GPHN: variants seen among roughly 807,000 people sequenced by gnomAD.
The protein encoded by GPHN is gephyrin.
GPHN carries 17 observed loss-of-function variants against 95.5 expected under a neutral mutation model. The ratio of observed to expected loss-of-function variants is 0.18; its 90% CI spans 0.12 to 0.27. The LOEUF (loss-of-function observed/expected upper bound fraction) is 0.27. Ranked by LOEUF, GPHN falls within the 10% of genes least tolerant of loss-of-function variation. The pLI, the probability that GPHN is intolerant of heterozygous loss-of-function variation, is 1.00. For missense variants in GPHN, 660 were observed against 978.1 expected (o/e 0.67, Z 4.34); for synonymous variants, 320 against 322.5 (o/e 0.99, Z 0.08).
intron 4 of GPHN, among the ~76,000 whole-genome samples, chr14:66,865,193 C>T (rs1033226570): frequency 2.0e-5 from 3 of 151,874 alleles, no homozygotes; most frequent in African/African-American, 7.3e-5. Context: ...GATAGCACAA[C>T]AGGATGACTG....
At chr14:67,189,210 C>A in the GPHN span, among the ~76,000 whole-genome samples, 12 of 152,114 alleles carry the variant, frequency 7.9e-5, no homozygotes, top group African/African-American at 2.9e-4. Flanking sequence ...CCAAGAAATC[C>A]TCTGAAAACT....
intron 3 of GPHN, among the ~76,000 whole-genome samples, chr14:66,811,595 A>G (rs1187498286): frequency 1.3e-5 from 2 of 151,906 alleles, no homozygotes; most frequent in African/African-American, 4.8e-5. Flanking sequence ...AAATATAGAA[A>G]ATGTATTTTT....
chr14:67,037,478 A>C (rs574333009), intron 10 of GPHN, among the ~76,000 whole-genome samples: 1 of 152,160 alleles, frequency 6.6e-6, no homozygotes, highest in Non-Finnish European at 1.5e-5. Flanking sequence ...TATTTTCTGC[A>C]TCAAAGGAAA....
the GPHN span, among the ~76,000 whole-genome samples, chr14:67,519,525 C>T: frequency 1.3e-5 from 2 of 152,114 alleles, no homozygotes; most frequent in African/African-American, 2.4e-5. Flanking sequence ...AGGGAAGGGT[C>T]CATCCGGATA....
chr14:67,532,790 T>C, the GPHN span, among the ~76,000 whole-genome samples: 1 of 152,234 alleles, frequency 6.6e-6, no homozygotes, highest in Non-Finnish European at 1.5e-5. Context: ...TATGGACTTC[T>C]GTTCCAAATA....
At chr14:66,646,276 G>T (rs1248096739) in intron 1 of GPHN, among the ~76,000 whole-genome samples, 1 of 152,040 alleles carries the variant, frequency 6.6e-6, no homozygotes, top group East Asian at 1.9e-4. Flanking sequence ...ACCTAAGAAT[G>T]GCTGCTGTAA....
At chr14:66,860,519 C>A (rs1033523735) in intron 4 of GPHN, among the ~76,000 whole-genome samples, 1 of 151,862 alleles carries the variant, frequency 6.6e-6, no homozygotes, top group Admixed American at 6.6e-5. Flanking sequence ...GAAAAGGATG[C>A]TAATGAGCAA....
chr14:66,556,389 TA>T (rs2060008868), intron 1 of GPHN, among the ~76,000 whole-genome samples: 1 of 152,202 alleles, frequency 6.6e-6, no homozygotes, highest in Non-Finnish European at 1.5e-5. Context: ...TGTTGATCTT[TA>T]AGCTTTGACT....
chr14:67,695,541 T>G, the GPHN span: 7 of 1,336,366 alleles, frequency 5.2e-6, no homozygotes, highest in South Asian at 1.4e-5. Flanking sequence ...CCCAGGGGAG[T>G]TTTCCAAGAA....
At position 66,778,345 on chromosome 14, in the gene GPHN, TC is replaced by T. The variant is rs962584204; in HGVS notation, c.201+1825del. Among the ~76,000 whole-genome samples, 8 of 152,190 alleles carry T rather than the reference TC, an allele frequency of 5.3e-5. No individual in the cohort carries two copies. The South Asian group carries it at 1.0e-3, about 20-fold the overall frequency. ...GTAACAGTCTTTTAGTACATATTTTTCTGGGTTCCTTTGAAAACACGATATG... is the reference window on the plus strand; with the variant it reads ...GTAACAGTCTTTTAGTACATATTTTTTGGGTTCCTTTGAAAACACGATATG... On this transcript the variant is annotated intron_variant, in intron 3 of 22. Coordinates refer to ENST00000478722, the MANE Select transcript of GPHN (RefSeq NM_020806.5).
the GPHN span, chr14:67,578,195 T>C: frequency 2.5e-6 from 4 of 1,613,312 alleles, no homozygotes; most frequent in Admixed American, 1.7e-5. This position sits in a 1 kb window ranked among gnomAD's most constrained non-coding sequence, Gnocchi z 5.0. Flanking sequence ...TACTCCCTCA[T>C]GCAGGTAGGC....
chr14:67,544,407 C>A, the GPHN span, among the ~76,000 whole-genome samples: 2 of 151,800 alleles, frequency 1.3e-5, no homozygotes, highest in Non-Finnish European at 2.9e-5. Flanking sequence ...AGACACAAGA[C>A]CTCAATTCAG....
downstream of GPHN, among the ~76,000 whole-genome samples, chr14:67,182,289 A>T (rs1176403579): frequency 3.9e-5 from 6 of 152,208 alleles, no homozygotes; most frequent in African/African-American, 1.2e-4. Flanking sequence ...AATAGGTAAA[A>T]TATACTGTAT....
At chr14:67,021,597 C>T (rs1351845467) in intron 9 of GPHN, among the ~76,000 whole-genome samples, 2 of 151,910 alleles carry the variant, frequency 1.3e-5, no homozygotes. Context: ...TTGGTAAAGC[C>T]AACTAGTTCT....
At chr14:66,949,640 C>CTT (rs1189699142) in intron 8 of GPHN, among the ~76,000 whole-genome samples, 2 of 152,126 alleles carry the variant, frequency 1.3e-5, no homozygotes, top group African/African-American at 2.4e-5. Context: ...GAGACTCACT[C>CTT]TGATTATTGT....
the GPHN span, chr14:67,586,202 C>T: frequency 7.4e-7 from 1 of 1,345,754 alleles, no homozygotes; most frequent in Non-Finnish European, 1.1e-6. Context: ...GGGCCCTGCC[C>T]AGATAAAATT....
intron 1 of GPHN, among the ~76,000 whole-genome samples, chr14:66,566,482 G>A (rs1566615866): frequency 1.3e-5 from 2 of 152,056 alleles, no homozygotes; most frequent in Non-Finnish European, 2.9e-5. Flanking sequence ...TAACACAAAG[G>A]CAGTTGGTAA....
At chr14:67,695,563 G>C in the GPHN span, 2 of 1,491,984 alleles carry the variant, frequency 1.3e-6, no homozygotes, top group Non-Finnish European at 1.8e-6. Flanking sequence ...GCTTTGGTGG[G>C]GATTCTATGT....
intron 1 of GPHN, among the ~76,000 whole-genome samples, chr14:66,553,053 C>A (rs756232122): frequency 6.7e-6 from 1 of 150,338 alleles, no homozygotes; most frequent in Non-Finnish European, 1.5e-5. Context: ...TGCAGTGGCA[C>A]GATCTTGGCT....
Sources: gnomAD v4.1 joint callset for allele counts (sites outside exome capture counted in the v4.1 genomes callset) on GRCh38, gnomAD v4.1.1 for gene constraint, Gnocchi (gnomAD v3.1) non-coding constraint, MANE v1.5 for transcripts, NCBI Gene and HGNC (gene_info 2026-07-23, HGNC 2026-07-21) for gene names.